MSRA: variants seen among roughly 807,000 people sequenced by gnomAD.
The protein encoded by MSRA is methionine sulfoxide reductase A, also known as mitochondrial peptide methionine sulfoxide reductase.
Under a neutral mutation model 31.3 loss-of-function variants are expected in MSRA, and 54 were observed. That is an observed-to-expected ratio of 1.73 (90% CI 1.39 to 2.17). MSRA has a LOEUF of 2.17. Among genes scored for constraint, MSRA ranks in the 30% most tolerant of loss-of-function variants. The pLI, the probability that MSRA is intolerant of heterozygous loss-of-function variation, is 0.00. For synonymous variants in MSRA, 169 were observed against 116.5 expected (o/e 1.45, Z -2.90); for missense variants, 507 against 300.9 (o/e 1.69, Z -5.07).
intron 5 of MSRA, among the ~76,000 whole-genome samples, chr8:10,421,016 A>G (rs1025879047): frequency 6.6e-6 from 1 of 152,142 alleles, no homozygotes; most frequent in African/African-American, 2.4e-5. Context: ...ACCACCACCA[A>G]AAACCAAAGA....
intron 5 of MSRA, among the ~76,000 whole-genome samples, chr8:10,340,014 C>T (rs543625011): frequency 1.6e-4 from 25 of 152,296 alleles, no homozygotes; most frequent in African/African-American, 6.0e-4. Flanking sequence ...TTGTGTGTGT[C>T]TACAATGATA....
Position 10,123,145 on chromosome 8 carries a change from A to G in MSRA, c.142+68487A>G, listed in dbSNP as rs566018059. 3.3e-5 allele frequency among the ~76,000 whole-genome samples: 5 copies of G among 152,336 alleles called. No individual in the cohort carries two copies. In the East Asian group the frequency reaches 9.6e-4, roughly 29 times the overall value. Reference sequence around the variant, plus strand: ...AATGGTCGAACTAATTCCCACCAACAGTGTGTAAGTGTTTTCTTCTCTTCA... The same window carrying G: ...AATGGTCGAACTAATTCCCACCAACGGTGTGTAAGTGTTTTCTTCTCTTCA... On this transcript the variant is annotated intron_variant, in intron 1 of 5. Transcript: ENST00000317173.
At chr8:10,383,467 A>G (rs561051446) in intron 5 of MSRA, among the ~76,000 whole-genome samples, 7 of 152,256 alleles carry the variant, frequency 4.6e-5, no homozygotes, top group South Asian at 4.1e-4. Context: ...AGTAGTTTCA[A>G]TTTGGTTCCT....
At chr8:10,121,868 A>G (rs1181357520) in intron 1 of MSRA, among the ~76,000 whole-genome samples, 1 of 151,428 alleles carries the variant, frequency 6.6e-6, no homozygotes, top group Non-Finnish European at 1.5e-5. Flanking sequence ...TTTGGTAGAA[A>G]CAGGGTTTTG....
chr8:10,335,373 T>C (rs1777013113), intron 5 of MSRA, among the ~76,000 whole-genome samples: 2 of 149,828 alleles, frequency 1.3e-5, no homozygotes, highest in South Asian at 2.1e-4. Flanking sequence ...TCCATTTACC[T>C]TGGCCATGCC....
At chr8:10,070,859 A>T in intron 1 of MSRA, among the ~76,000 whole-genome samples, 1 of 152,310 alleles carries the variant, frequency 6.6e-6, no homozygotes, top group East Asian at 1.9e-4. Context: ...ACAGAGTATT[A>T]TTACTTGGTG....
At chr8:10,164,559 C>G (rs1011252997) in intron 1 of MSRA, among the ~76,000 whole-genome samples, 17 of 152,176 alleles carry the variant, frequency 1.1e-4, no homozygotes, top group African/African-American at 4.1e-4. Context: ...CCCAATGTCA[C>G]AGAGAATGGG....
intron 1 of MSRA, among the ~76,000 whole-genome samples, chr8:10,061,673 C>G (rs375062307): frequency 7.6e-4 from 115 of 152,164 alleles, no homozygotes; most frequent in African/African-American, 2.5e-3. Context: ...TGCCTGAGAA[C>G]AAAGACCAGA....
In MSRA at chr8:10,254,505, T is replaced by G. The variant is rs1404088294; in HGVS notation, c.331+9282T>G. On this transcript the variant is annotated intron_variant, in intron 3 of 5. Coordinates refer to ENST00000317173, the MANE Select transcript of MSRA (RefSeq NM_012331.5). The stretch of plus-strand genomic sequence containing the variant: ...GAAAACATAATGTTCTCAATGGGTA[T>G]TACAATAGTAGTTTCTTGCCATGAC... Among the ~76,000 whole-genome samples the G allele has an allele frequency of 8.5e-5, 13 of 152,352 alleles. No individual in the cohort carries two copies. The East Asian group carries it at 2.5e-3, about 29-fold the overall frequency.
At chr8:10,084,936 A>T (rs911660471) in intron 1 of MSRA, among the ~76,000 whole-genome samples, 1 of 152,098 alleles carries the variant, frequency 6.6e-6, no homozygotes, top group Non-Finnish European at 1.5e-5. Flanking sequence ...ATTTTTTCAG[A>T]TGAAGCTGGT....
intron 1 of MSRA, among the ~76,000 whole-genome samples, chr8:10,078,095 G>A (rs1361295646): frequency 2.0e-5 from 3 of 152,226 alleles, no homozygotes; most frequent in Non-Finnish European, 2.9e-5. Context: ...CTGCCCTAAA[G>A]CCAAATTGGG....
At chr8:10,154,880 A>G (rs1804015005) in intron 1 of MSRA, among the ~76,000 whole-genome samples, 2 of 151,816 alleles carry the variant, frequency 1.3e-5, no homozygotes, top group Non-Finnish European at 1.5e-5. Context: ...AAGGAAGTGT[A>G]GTTTTTAAAT....
intron 1 of MSRA, among the ~76,000 whole-genome samples, chr8:10,144,602 CCTCCCCCTTCCCT>C (rs1802982509): frequency 6.7e-6 from 1 of 149,948 alleles, no homozygotes. Context: ...TTCCCCCCCT[CCTCCCCCTTCCCT>C]CTCCCTGCTT....
At chr8:10,298,290 C>T (rs1051869939) in intron 3 of MSRA, among the ~76,000 whole-genome samples, 2 of 152,048 alleles carry the variant, frequency 1.3e-5, no homozygotes, top group Non-Finnish European at 2.9e-5. Flanking sequence ...TTATTCAGCC[C>T]TAAAAAGGAA....
chr8:10,401,922 A>C (rs1563439399), intron 5 of MSRA, among the ~76,000 whole-genome samples: 1 of 152,190 alleles, frequency 6.6e-6, no homozygotes, highest in Non-Finnish European at 1.5e-5. Flanking sequence ...GTTATTATCT[A>C]ATGGGTAAAG....
At chr8:10,060,631 A>C (rs1414143350) in intron 1 of MSRA, among the ~76,000 whole-genome samples, 2 of 146,316 alleles carry the variant, frequency 1.4e-5, no homozygotes, top group Admixed American at 1.4e-4. Context: ...TGTCATACTT[A>C]CTTGAAGTTT....
At chr8:10,066,017 A>G (rs1797437747) in intron 1 of MSRA, among the ~76,000 whole-genome samples, 1 of 149,430 alleles carries the variant, frequency 6.7e-6, no homozygotes, top group Non-Finnish European at 1.5e-5. Flanking sequence ...ATAACTTAAT[A>G]TAATAATATA....
intron 5 of MSRA, among the ~76,000 whole-genome samples, chr8:10,371,386 C>T (rs543916651): frequency 2.0e-5 from 3 of 152,092 alleles, no homozygotes; most frequent in Non-Finnish European, 4.4e-5. Flanking sequence ...GCCGGCGCCT[C>T]GTTCCGTAGC....
At chr8:10,289,915 T>C (rs1800141968) in intron 3 of MSRA, among the ~76,000 whole-genome samples, 1 of 152,226 alleles carries the variant, frequency 6.6e-6, no homozygotes, top group South Asian at 2.1e-4. Context: ...ATTATTAGTA[T>C]ATGGAGTTAT....
Sources: allele counts gnomAD v4.1 joint callset (sites outside exome capture counted in the v4.1 genomes callset), GRCh38; gene constraint gnomAD v4.1.1; transcripts MANE v1.5; gene names NCBI Gene and HGNC (gene_info 2026-07-23, HGNC 2026-07-21).